Variants in UNC13C observed in about 807,000 individuals in gnomAD.
UNC13C encodes the protein protein unc-13 homolog C.
In UNC13C, 174 loss-of-function variants were observed where a neutral mutation model predicts 245.4. The ratio of observed to expected loss-of-function variants is 0.71; its 90% CI spans 0.63 to 0.80. The LOEUF (loss-of-function observed/expected upper bound fraction) is 0.80. UNC13C is among the 30% of genes least tolerant of loss of function. UNC13C has a pLI of 0.00. For synonymous variants in UNC13C, 992 were observed against 895.1 expected (o/e 1.11, Z -1.93); for missense variants, 2,829 against 2,602.9 (o/e 1.09, Z -1.89).
intron 4 of UNC13C, among the ~76,000 whole-genome samples, chr15:54,189,888 C>T (rs1473946990): frequency 6.6e-6 from 1 of 151,864 alleles, no homozygotes; most frequent in Admixed American, 6.6e-5. Flanking sequence ...GGAAAAATGT[C>T]CTACTGTAAA....
At chr15:53,896,997 A>G in the UNC13C span, among the ~76,000 whole-genome samples, 13 of 152,198 alleles carry the variant, frequency 8.5e-5, no homozygotes, top group Admixed American at 2.0e-4. Context: ...TTTCTGTTAC[A>G]TGTAATTACT....
chr15:53,952,669 A>AT, the UNC13C span, among the ~76,000 whole-genome samples: 1 of 152,204 alleles, frequency 6.6e-6, no homozygotes, highest in Non-Finnish European at 1.5e-5. Flanking sequence ...TCGCCAGATG[A>AT]TTTTAATGTA....
intron 2 of UNC13C, among the ~76,000 whole-genome samples, chr15:54,124,026 T>C (rs536509674): frequency 6.6e-6 from 1 of 152,320 alleles, no homozygotes; most frequent in South Asian, 2.1e-4. Flanking sequence ...CATGTATCAA[T>C]AGTTCATTTA....
chr15:53,988,174 C>G (rs2616907), intron 1 of UNC13C, among the ~76,000 whole-genome samples: 69,940 of 151,882 alleles, frequency 0.46, 18,168 homozygotes, highest in Admixed American at 0.61. Context: ...TGCAAAACTA[C>G]TAGAATGCTT....
the UNC13C span, among the ~76,000 whole-genome samples, chr15:53,885,797 A>G: frequency 6.6e-6 from 1 of 152,176 alleles, no homozygotes; most frequent in Non-Finnish European, 1.5e-5. Flanking sequence ...GGAGTGGGGG[A>G]AAAAGATGCT....
At chr15:54,356,280 T>G (rs1049738348) in intron 17 of UNC13C, among the ~76,000 whole-genome samples, 5 of 152,214 alleles carry the variant, frequency 3.3e-5, no homozygotes, top group Admixed American at 1.3e-4. Flanking sequence ...TCATATAGAT[T>G]GGGAATTTTA....
intron 19 of UNC13C, among the ~76,000 whole-genome samples, chr15:54,449,735 T>A (rs1360483172): frequency 2.0e-5 from 3 of 152,204 alleles, no homozygotes. Context: ...CTCCTTTAGC[T>A]TGGAGAAGTT....
intron 5 of UNC13C, 89 bp downstream of exon 5, chr15:54,235,197 C>T (rs556259551): frequency 1.6e-5 from 17 of 1,078,146 alleles, no homozygotes; most frequent in African/African-American, 1.2e-4. Flanking sequence ...ACTGTCTAGC[C>T]TGTAAATATT....
At chr15:53,933,237 T>G in the UNC13C span, among the ~76,000 whole-genome samples, 1 of 152,188 alleles carries the variant, frequency 6.6e-6, no homozygotes, top group Non-Finnish European at 1.5e-5. Flanking sequence ...ATGAAAACTT[T>G]TTAATACAAA....
intron 17 of UNC13C, among the ~76,000 whole-genome samples, chr15:54,341,422 C>T (rs1232106601): frequency 6.6e-6 from 1 of 152,028 alleles, no homozygotes; most frequent in Non-Finnish European, 1.5e-5. Flanking sequence ...ACAATAGAAA[C>T]TAGGCCTACT....
intron 4 of UNC13C, among the ~76,000 whole-genome samples, chr15:54,167,683 A>G (rs889638872): frequency 3.3e-5 from 5 of 151,364 alleles, no homozygotes; most frequent in Admixed American, 2.6e-4. Context: ...TTCAAAATCT[A>G]TCATATTTTT....
intron 1 of UNC13C, among the ~76,000 whole-genome samples, chr15:53,988,733 C>A (rs1392710651): frequency 6.6e-6 from 1 of 151,848 alleles, no homozygotes; most frequent in African/African-American, 2.4e-5. Context: ...ATCAAAGAGT[C>A]ACTTCTTGCT....
chr15:54,446,773 G>A (rs756905967), intron 19 of UNC13C, among the ~76,000 whole-genome samples: 115 of 152,080 alleles, frequency 7.6e-4, no homozygotes, highest in Non-Finnish European at 1.2e-4. Flanking sequence ...CCAGTTGAAC[G>A]CCCTTTATTT....
chr15:54,365,636 G>C (rs1017944325), intron 17 of UNC13C, among the ~76,000 whole-genome samples: 2 of 151,970 alleles, frequency 1.3e-5, no homozygotes, highest in African/African-American at 4.8e-5. Context: ...GATTTTATGT[G>C]TTAACTATGA....
At chr15:54,202,200 C>T (rs2034545370) in intron 4 of UNC13C, among the ~76,000 whole-genome samples, 1 of 152,012 alleles carries the variant, frequency 6.6e-6, no homozygotes, top group African/African-American at 2.4e-5. Context: ...ACATCTCATG[C>T]TCATAGATGG....
intron 19 of UNC13C, among the ~76,000 whole-genome samples, chr15:54,435,788 G>A (rs1404955564): frequency 6.6e-6 from 1 of 151,130 alleles, no homozygotes; most frequent in African/African-American, 2.4e-5. Flanking sequence ...AGAGTGAACA[G>A]GCAACCTACA....
At chr15:54,369,759 C>A (rs918931810) in intron 17 of UNC13C, among the ~76,000 whole-genome samples, 1 of 152,068 alleles carries the variant, frequency 6.6e-6, no homozygotes, top group African/African-American at 2.4e-5. Context: ...AGTCAACTTG[C>A]ATGCTATAAA....
At chr15:54,360,724 T>C (rs935610091) in intron 17 of UNC13C, among the ~76,000 whole-genome samples, 2 of 152,110 alleles carry the variant, frequency 1.3e-5, no homozygotes, top group Admixed American at 6.6e-5. Flanking sequence ...GTTTCCTGGA[T>C]AGCTTTTCTT....
chr15:54,188,466 A>T (rs1345258063), intron 4 of UNC13C, among the ~76,000 whole-genome samples: 1 of 152,142 alleles, frequency 6.6e-6, no homozygotes, highest in Non-Finnish European at 1.5e-5. Context: ...TTTTATGATA[A>T]TGATAATTGG....
Sources: allele counts gnomAD v4.1 joint callset (sites outside exome capture counted in the v4.1 genomes callset), GRCh38; gene constraint gnomAD v4.1.1; transcripts MANE v1.5; gene names NCBI Gene and HGNC (gene_info 2026-07-23, HGNC 2026-07-21).